EDC3: variants seen among roughly 807,000 people sequenced by gnomAD.
The protein encoded by EDC3 is enhancer of mRNA decapping 3.
Under a neutral mutation model 41.8 loss-of-function variants are expected in EDC3, and 20 were observed. That is an observed-to-expected ratio of 0.48 (90% CI 0.34 to 0.70). The LOEUF (loss-of-function observed/expected upper bound fraction) is 0.70, where lower values mean the gene tolerates loss of function less well. Ranked by LOEUF, EDC3 falls within the 30% of genes least tolerant of loss-of-function variation. The pLI, the probability that EDC3 is intolerant of heterozygous loss-of-function variation, is 0.01. For synonymous variants in EDC3, 206 were observed against 243.2 expected (o/e 0.85, Z 1.42); for missense variants, 444 against 636.8 (o/e 0.70, Z 3.26).
At chr15:74,659,397 T>C (rs1057513885) in intron 3 of EDC3, among the ~76,000 whole-genome samples, 6 of 150,540 alleles carry the variant, frequency 4.0e-5, no homozygotes, top group South Asian at 2.1e-4. Flanking sequence ...GAAACGGAGG[T>C]TACAGTGAGC....
At chr15:74,685,355 A>T (rs532958712) in intron 1 of EDC3, among the ~76,000 whole-genome samples, 264 of 152,320 alleles carry the variant, frequency 1.7e-3, no homozygotes, top group Non-Finnish European at 2.6e-3. Context: ...ATGAGCCATG[A>T]TCAGGCCACT....
At chr15:74,692,858 CCTAAA>C in intron 1 of EDC3, 1 of 151,992 alleles carries the variant, frequency 6.6e-6, no homozygotes, top group Admixed American at 6.6e-5. Context: ...GAAATTACAT[CCTAAA>C]CTATTTAAAA....
chr15:74,660,967 A>C (rs2062614034), intron 3 of EDC3, among the ~76,000 whole-genome samples: 1 of 152,208 alleles, frequency 6.6e-6, no homozygotes, highest in South Asian at 2.1e-4. Context: ...CAATTTTTTA[A>C]AATTGCAGTA....
chr15:74,695,079 T>C (rs1194514449), intron 1 of EDC3, among the ~76,000 whole-genome samples: 5 of 151,918 alleles, frequency 3.3e-5, no homozygotes, highest in African/African-American at 1.2e-4. Context: ...CAGACTGAAA[T>C]CGGTTTGGTC....
chr15:74,689,730 T>C (rs959958008), intron 1 of EDC3, among the ~76,000 whole-genome samples: 1 of 151,922 alleles, frequency 6.6e-6, no homozygotes, highest in African/African-American at 2.4e-5. Context: ...TTCACCGTGT[T>C]AGCCAGGATG....
intron 4 of EDC3, 56 bp from the exon 5 acceptor site, chr15:74,640,675 C>T: frequency 6.2e-7 from 1 of 1,606,738 alleles, no homozygotes; most frequent in East Asian, 2.2e-5. Flanking sequence ...CAAGTCCAAA[C>T]CGGGTATACT....
chr15:74,667,370 G>A (rs1207218551), intron 3 of EDC3, among the ~76,000 whole-genome samples: 3 of 149,760 alleles, frequency 2.0e-5, no homozygotes, highest in African/African-American at 7.4e-5. Flanking sequence ...TTTTCTTGCT[G>A]TCAGCTATAA....
chr15:74,649,860 AG>A (rs58059458), intron 4 of EDC3, among the ~76,000 whole-genome samples: 42,293 of 134,368 alleles, frequency 0.31, 7,696 homozygotes, highest in East Asian at 0.58. Context: ...AGGGAAAAAA[AG>A]GGGGGGGGGG....
chr15:74,669,929 C>T (rs145026703), intron 3 of EDC3, among the ~76,000 whole-genome samples: 211 of 152,152 alleles, frequency 1.4e-3, no homozygotes, highest in Non-Finnish European at 2.3e-3. Flanking sequence ...TCACAACCTC[C>T]GCCTCCCTGG....
intron 4 of EDC3, chr15:74,644,714 A>T (rs978909104): frequency 7.2e-5 from 11 of 151,984 alleles, no homozygotes; most frequent in Non-Finnish European, 1.6e-4. Context: ...CCCCACTTAC[A>T]ACTAGACCAG....
chr15:74,661,613 C>T (rs2141627917), intron 3 of EDC3, among the ~76,000 whole-genome samples: 2 of 151,896 alleles, frequency 1.3e-5, no homozygotes, highest in East Asian at 3.9e-4. Context: ...CACCTGTAAT[C>T]CCAGCTACTC....
At chr15:74,672,055 A>G (rs1426342379) in intron 2 of EDC3, among the ~76,000 whole-genome samples, 4 of 151,064 alleles carry the variant, frequency 2.6e-5, no homozygotes, top group African/African-American at 9.7e-5. Context: ...AGGTCAGGAG[A>G]TCGAGACCAT....
In EDC3 at chr15:74,632,029, G is replaced by A. The variant is rs145789135; in HGVS notation, c.*583C>T. On this transcript the variant is annotated 3_prime_UTR_variant, in exon 7 of 7. Coordinates refer to ENST00000315127, the MANE Select transcript of EDC3 (RefSeq NM_025083.5). The surrounding 1 kb of genome is among the most constrained non-coding windows in gnomAD (Gnocchi z 4.0). ...CTTGGAAAAATCAGCATAAAACTTG[G>A]ATCAGCTCAGGAGTAAGGGTCAAAA... 1.3e-5 allele frequency: 2 copies of A among 154,710 alleles called. No homozygotes were observed. The highest frequency in any genetic ancestry group is 2.9e-5 in the Non-Finnish European group (2 of 69,680). The allele number at this position is 154,710 out of a possible 1,614,324, so 9.6% of individuals were successfully genotyped here.
intron 3 of EDC3, among the ~76,000 whole-genome samples, chr15:74,669,511 C>CA (rs58880243): frequency 0.22 from 30,233 of 135,752 alleles, 4,809 homozygotes; most frequent in East Asian, 0.42. Context: ...GGCTCCATCT[C>CA]AAAAAAAAAA....
In EDC3 at chr15:74,671,473, GGA is replaced by G; in HGVS notation, c.464_465del (p.Phe155SerfsTer10). On this transcript the variant is annotated frameshift_variant, in exon 3 of 7. Coordinates refer to ENST00000315127, the MANE Select transcript of EDC3 (RefSeq NM_025083.5). LOFTEE classifies it high-confidence loss of function. The surrounding 1 kb of genome is among the most constrained non-coding windows in gnomAD (Gnocchi z 4.6). ...TACTTACAGGAGTTGTGCCGACGAC[GGA>G]AACTTTTGGACTGACTCAAGGATTC... ...HMESLSQSKS[F>X]RRRHNSWSSS... 3 of 1,606,672 alleles carry G rather than the reference GGA, an allele frequency of 1.9e-6. No individual in the cohort carries two copies. Among genetic ancestry groups the G allele is most frequent in the South Asian group, 2.2e-5 (2 of 90,612 alleles).
chr15:74,651,616 A>G (rs1237716723), intron 4 of EDC3, among the ~76,000 whole-genome samples: 1 of 152,250 alleles, frequency 6.6e-6, no homozygotes, highest in African/African-American at 2.4e-5. Flanking sequence ...CCAAATGGGT[A>G]ATAAATATGT....
At chr15:74,645,575 G>GA (rs1317932249) in intron 4 of EDC3, among the ~76,000 whole-genome samples, 3 of 140,484 alleles carry the variant, frequency 2.1e-5, no homozygotes, top group East Asian at 2.2e-4. Flanking sequence ...GGGGGGGGGG[G>GA]GGTGCCAGGC....
At chr15:74,640,886 G>A (rs927642554) in intron 4 of EDC3, 3 of 457,674 alleles carry the variant, frequency 6.6e-6, no homozygotes, top group African/African-American at 6.0e-5. Flanking sequence ...AGACCACAAA[G>A]GCCAAATCTA....
At chr15:74,693,312 C>T (rs1405467803) in intron 1 of EDC3, among the ~76,000 whole-genome samples, 3 of 152,186 alleles carry the variant, frequency 2.0e-5, no homozygotes, top group Admixed American at 2.0e-4. Context: ...GTCACATCTC[C>T]ACCCTCCCCT....
Sources: gnomAD v4.1 joint callset for allele counts (sites outside exome capture counted in the v4.1 genomes callset) on GRCh38, gnomAD v4.1.1 for gene constraint, Gnocchi (gnomAD v3.1) non-coding constraint, MANE v1.5 for transcripts, NCBI Gene and HGNC (gene_info 2026-07-23, HGNC 2026-07-21) for gene names.